The following ME1 variants were observed in gnomAD, a reference collection of about 807,000 sequenced individuals.
ME1 encodes the protein malic enzyme 1, also known as NADP-dependent malic enzyme.
Under a neutral mutation model 66.4 loss-of-function variants are expected in ME1, and 74 were observed. That is an observed-to-expected ratio of 1.11 (90% confidence interval 0.92 to 1.35). The LOEUF is 1.35. Ranked by LOEUF, ME1 falls within the 40% of genes most tolerant of loss-of-function variation. The pLI is 0.00. For missense variants in ME1, 750 were observed against 694.1 expected (o/e 1.08, Z -0.90); for synonymous variants, 251 against 235.6 (o/e 1.07, Z -0.60).
intron 6 of ME1, among the ~76,000 whole-genome samples, chr6:83,290,199 A>C (rs1767476730): frequency 6.6e-6 from 1 of 151,870 alleles, no homozygotes; most frequent in African/African-American, 2.4e-5. Flanking sequence ...TTGCTTCTCT[A>C]GTTCTTTTAA....
At chr6:83,409,083 C>T (rs575664020) in intron 1 of ME1, among the ~76,000 whole-genome samples, 1 of 152,246 alleles carries the variant, frequency 6.6e-6, no homozygotes, top group East Asian at 1.9e-4. Context: ...TGTGAGGACA[C>T]AGCAAGAAGA....
At chr6:83,276,910 C>T (rs1036164488) in intron 6 of ME1, among the ~76,000 whole-genome samples, 1 of 152,124 alleles carries the variant, frequency 6.6e-6, no homozygotes, top group African/African-American at 2.4e-5. Context: ...TCACTGATAA[C>T]AAATTGTTAT....
Position 83,227,342 on chromosome 6 carries a change from AT to A in ME1, c.1267del (p.Ile423Ter). 1.3e-6 allele frequency: 2 copies of A among 1,530,330 alleles called. No homozygotes were observed. The highest frequency in any genetic ancestry group is 1.8e-6 in the Non-Finnish European group (2 of 1,131,616). The allele number at this position is 1,530,330 out of a possible 1,614,324, so 94.8% of individuals were successfully genotyped here. On this transcript the variant is annotated frameshift_variant, in exon 11 of 14. Coordinates refer to ENST00000369705, the MANE Select transcript of ME1 (RefSeq NM_002395.6). LOFTEE classifies it high-confidence loss of function. ...AECSAEQCYK[I>X]TKGRAIFASG... ...GTTATAGTTTTACTTTACCTTGGTT[AT>A]TTTGTAGCACTGCTCTGCAGAACAT... is the stretch of plus-strand genomic sequence containing the variant.
At chr6:83,218,992 A>G (rs990970017) in intron 12 of ME1, among the ~76,000 whole-genome samples, 6 of 152,242 alleles carry the variant, frequency 3.9e-5, no homozygotes, top group African/African-American at 1.4e-4. Context: ...CAGCACTCAG[A>G]ATAATGCCTA....
chr6:83,412,995 G>A (rs886302868), intron 1 of ME1, among the ~76,000 whole-genome samples: 6 of 152,188 alleles, frequency 3.9e-5, no homozygotes, highest in Admixed American at 3.3e-4. Context: ...AGACTCTATA[G>A]AGTCAATTCA....
chr6:83,305,189 T>G (rs1767802170), intron 6 of ME1, among the ~76,000 whole-genome samples: 2 of 152,204 alleles, frequency 1.3e-5, no homozygotes, highest in South Asian at 4.1e-4. Flanking sequence ...CAAATATTTA[T>G]TGTTTATCTA....
chr6:83,314,061 A>G (rs1052977538), intron 6 of ME1, among the ~76,000 whole-genome samples: 1 of 152,220 alleles, frequency 6.6e-6, no homozygotes, highest in Non-Finnish European at 1.5e-5. Context: ...AGAAAAACCA[A>G]GGCAACATAT....
At chr6:83,309,485 G>T (rs972445481) in intron 6 of ME1, among the ~76,000 whole-genome samples, 3 of 152,122 alleles carry the variant, frequency 2.0e-5, no homozygotes, top group Non-Finnish European at 4.4e-5. Flanking sequence ...GAAGAATGGG[G>T]TTGTCATTTA....
chr6:83,281,054 A>T (rs912645999), intron 6 of ME1, among the ~76,000 whole-genome samples: 9 of 152,254 alleles, frequency 5.9e-5, no homozygotes, highest in African/African-American at 2.2e-4. Flanking sequence ...TTACAAAAAT[A>T]TTGAAGAGCA....
intron 3 of ME1, among the ~76,000 whole-genome samples, chr6:83,375,095 A>G (rs985081383): frequency 6.6e-6 from 1 of 152,162 alleles, no homozygotes; most frequent in African/African-American, 2.4e-5. Flanking sequence ...CTTTGATTCC[A>G]TATGAAATTT....
At chr6:83,259,548 C>T (rs573507755) in intron 6 of ME1, among the ~76,000 whole-genome samples, 1 of 152,242 alleles carries the variant, frequency 6.6e-6, no homozygotes, top group East Asian at 1.9e-4. Flanking sequence ...ATATTAGCTT[C>T]AAGGACTTTA....
chr6:83,397,224 T>C (rs1348431890), intron 3 of ME1, among the ~76,000 whole-genome samples: 1 of 152,154 alleles, frequency 6.6e-6, no homozygotes, highest in Non-Finnish European at 1.5e-5. Context: ...CTGTGAACCA[T>C]ACATCTCATA....
intron 3 of ME1, among the ~76,000 whole-genome samples, chr6:83,381,812 C>T (rs1187527595): frequency 6.6e-6 from 1 of 152,100 alleles, no homozygotes; most frequent in Non-Finnish European, 1.5e-5. Context: ...AATATTTTAT[C>T]CACATGGCAG....
chr6:83,367,268 G>T (rs9344349), intron 3 of ME1, among the ~76,000 whole-genome samples: 1 of 152,218 alleles, frequency 6.6e-6, no homozygotes, highest in East Asian at 1.9e-4. Flanking sequence ...CCATTTATAG[G>T]CAAGGTAGAT....
intron 2 of ME1, among the ~76,000 whole-genome samples, chr6:83,405,964 G>A (rs540075961): frequency 1.3e-4 from 20 of 152,098 alleles, no homozygotes; most frequent in African/African-American, 2.2e-4. Flanking sequence ...CTCGTGATCC[G>A]CCCACCTCGG....
chr6:83,382,821 T>C (rs971918634), intron 3 of ME1, among the ~76,000 whole-genome samples: 18 of 150,608 alleles, frequency 1.2e-4, no homozygotes, highest in Admixed American at 1.1e-3. Context: ...GAATATGTAT[T>C]GGCTATTTTC....
At chr6:83,276,915 T>C (rs1336163116) in intron 6 of ME1, among the ~76,000 whole-genome samples, 7 of 152,220 alleles carry the variant, frequency 4.6e-5, no homozygotes, top group African/African-American at 1.7e-4. Flanking sequence ...GATAACAAAT[T>C]GTTATAAGAA....
At chr6:83,304,565 C>T (rs983090230) in intron 6 of ME1, among the ~76,000 whole-genome samples, 3 of 152,044 alleles carry the variant, frequency 2.0e-5, no homozygotes, top group Non-Finnish European at 4.4e-5. Flanking sequence ...CATGTATATA[C>T]AGAATATGAT....
intron 12 of ME1, among the ~76,000 whole-genome samples, chr6:83,218,566 G>A (rs555742755): frequency 6.6e-5 from 10 of 152,294 alleles, no homozygotes; most frequent in African/African-American, 2.2e-4. Context: ...AGCGGCCATA[G>A]CAGAGGAGGC....
Sources: allele counts gnomAD v4.1 joint callset (sites outside exome capture counted in the v4.1 genomes callset), GRCh38; gene constraint gnomAD v4.1.1; transcripts MANE v1.5; gene names NCBI Gene and HGNC (gene_info 2026-07-23, HGNC 2026-07-21).